CSMD1: variants seen among roughly 807,000 people sequenced by gnomAD.
CSMD1 encodes the protein CUB and Sushi multiple domains 1.
In CSMD1, 213 loss-of-function variants were observed where a neutral mutation model predicts 417.5. The ratio of observed to expected loss-of-function variants is 0.51; its 90% CI spans 0.46 to 0.57. The LOEUF (loss-of-function observed/expected upper bound fraction) is 0.57, where lower values mean the gene tolerates loss of function less well. Ranked by LOEUF, CSMD1 falls within the 20% of genes least tolerant of loss-of-function variation. The probability of loss-of-function intolerance (pLI) is 0.00; values close to 1 mark genes in which losing one functional copy is unlikely to be tolerated. For missense variants in CSMD1, 6,923 were observed against 4,529.7 expected (o/e 1.53, Z -15.17); for synonymous variants, 2,862 against 1,736.8 (o/e 1.65, Z -16.11).
intron 3 of CSMD1, among the ~76,000 whole-genome samples, chr8:4,253,968 G>C (rs997431890): frequency 1.4e-5 from 2 of 138,482 alleles, no homozygotes; most frequent in Non-Finnish European, 3.0e-5. Context: ...CCAGGCTGGA[G>C]TGCAGTGGTG....
At chr8:3,336,696 C>G (rs1807283089) in intron 23 of CSMD1, among the ~76,000 whole-genome samples, 1 of 152,146 alleles carries the variant, frequency 6.6e-6, no homozygotes, top group Non-Finnish European at 1.5e-5. Context: ...GAGACTGTTC[C>G]CGATGTGGGC....
chr8:4,286,589 A>G (rs1797068328), intron 3 of CSMD1, among the ~76,000 whole-genome samples: 1 of 152,150 alleles, frequency 6.6e-6, no homozygotes. Flanking sequence ...AGCACCTGAT[A>G]GCCTCATCTA....
intron 1 of CSMD1, among the ~76,000 whole-genome samples, chr8:4,686,106 G>A (rs1806364660): frequency 6.6e-6 from 1 of 152,126 alleles, no homozygotes; most frequent in Non-Finnish European, 1.5e-5. Flanking sequence ...CGTTACAGAA[G>A]CTGTGTCAGA....
chr8:4,348,916 C>T (rs1420840270), intron 3 of CSMD1, among the ~76,000 whole-genome samples: 5 of 152,122 alleles, frequency 3.3e-5, no homozygotes, highest in Non-Finnish European at 5.9e-5. Flanking sequence ...CCTGTGATAT[C>T]ACAGCTATTG....
chr8:4,285,255 G>A (rs144710339), intron 3 of CSMD1, among the ~76,000 whole-genome samples: 6 of 152,298 alleles, frequency 3.9e-5, no homozygotes, highest in Non-Finnish European at 7.4e-5. Context: ...CAGGCCGACT[G>A]TAGCCTTAAA....
intron 5 of CSMD1, among the ~76,000 whole-genome samples, chr8:3,970,014 T>C (rs1372368280): frequency 6.6e-6 from 1 of 152,218 alleles, no homozygotes; most frequent in Admixed American, 6.5e-5. Context: ...TTGGCAATAA[T>C]TCTTTCTCAC....
At chr8:3,179,178 C>G (rs749327644) in intron 37 of CSMD1, among the ~76,000 whole-genome samples, 4 of 151,810 alleles carry the variant, frequency 2.6e-5, no homozygotes, top group South Asian at 4.2e-4. Context: ...ATCTCCTGAC[C>G]TCGTGATCTG....
At chr8:4,618,654 T>C (rs1801611112) in intron 2 of CSMD1, among the ~76,000 whole-genome samples, 2 of 152,256 alleles carry the variant, frequency 1.3e-5, no homozygotes, top group African/African-American at 4.8e-5. Flanking sequence ...CGTTAAATTA[T>C]TGACTGGATT....
At chr8:3,777,993 C>A (rs925291392) in intron 5 of CSMD1, among the ~76,000 whole-genome samples, 3 of 152,242 alleles carry the variant, frequency 2.0e-5, no homozygotes, top group Non-Finnish European at 4.4e-5. Flanking sequence ...TCTCAGTACC[C>A]ACTCCAGACC....
intron 12 of CSMD1, among the ~76,000 whole-genome samples, chr8:3,463,456 C>A (rs1349271879): frequency 6.6e-6 from 1 of 152,170 alleles, no homozygotes; most frequent in Non-Finnish European, 1.5e-5. Flanking sequence ...AACATGTAAA[C>A]AAAAGGTTAT....
intron 3 of CSMD1, among the ~76,000 whole-genome samples, chr8:4,375,516 G>C (rs570291599): frequency 6.6e-6 from 1 of 152,178 alleles, no homozygotes; most frequent in African/African-American, 2.4e-5. Flanking sequence ...GACATCAGAA[G>C]AATTTTTTTT....
intron 1 of CSMD1, among the ~76,000 whole-genome samples, chr8:4,895,989 T>C (rs1804455008): frequency 6.6e-6 from 1 of 152,056 alleles, no homozygotes; most frequent in Non-Finnish European, 1.5e-5. Context: ...ATTCTTGCCA[T>C]CCTCCCCTAA....
At chr8:3,727,509 C>G (rs1369939286) in intron 6 of CSMD1, among the ~76,000 whole-genome samples, 1 of 152,166 alleles carries the variant, frequency 6.6e-6, no homozygotes, top group African/African-American at 2.4e-5. Context: ...TCATGCACTG[C>G]TGGTGTGAAT....
At chr8:3,231,271 CTCTT>C (rs1798818233) in intron 26 of CSMD1, among the ~76,000 whole-genome samples, 1 of 152,108 alleles carries the variant, frequency 6.6e-6, no homozygotes, top group Admixed American at 6.6e-5. Context: ...GAATAACGAG[CTCTT>C]TCTTCCACTC....
intron 3 of CSMD1, among the ~76,000 whole-genome samples, chr8:4,419,624 C>G (rs1320762215): frequency 6.6e-6 from 1 of 152,178 alleles, no homozygotes; most frequent in Non-Finnish European, 1.5e-5. Context: ...TGAAACTCTT[C>G]TGCATTAAAA....
intron 3 of CSMD1, among the ~76,000 whole-genome samples, chr8:4,054,459 C>T (rs1366639254): frequency 1.3e-5 from 2 of 152,154 alleles, no homozygotes; most frequent in African/African-American, 4.8e-5. Flanking sequence ...CAAACTTCTT[C>T]TTAGCAAGAA....
intron 5 of CSMD1, among the ~76,000 whole-genome samples, chr8:3,963,320 A>G (rs936732116): frequency 5.3e-5 from 8 of 152,218 alleles, no homozygotes; most frequent in African/African-American, 1.9e-4. Context: ...TCTCACCCAG[A>G]TAAGCCAATT....
At chr8:3,369,417 G>A in intron 18 of CSMD1, 47 bp from the exon 19 acceptor site, 2 of 900,910 alleles carry the variant, frequency 2.2e-6, no homozygotes, top group Non-Finnish European at 3.6e-6. Flanking sequence ...GTTTCACAAT[G>A]ATTGCCAGAA....
intron 3 of CSMD1, among the ~76,000 whole-genome samples, chr8:4,153,335 G>A (rs1796668100): frequency 6.6e-6 from 1 of 152,178 alleles, no homozygotes; most frequent in South Asian, 2.1e-4. Context: ...GCCCCGTTTT[G>A]TGAACTTGAC....
Sources: gnomAD v4.1 joint callset for allele counts (sites outside exome capture counted in the v4.1 genomes callset) on GRCh38, gnomAD v4.1.1 for gene constraint, MANE v1.5 for transcripts, NCBI Gene and HGNC (gene_info 2026-07-23, HGNC 2026-07-21) for gene names.